Variants in XYLB observed in about 807,000 individuals in gnomAD.
The protein encoded by XYLB is xylulose kinase.
A neutral mutation model predicts 78.7 loss-of-function variants in XYLB; 62 were observed. That is an observed-to-expected ratio of 0.79 (90% CI 0.64 to 0.97). The LOEUF is 0.97. Among genes scored for constraint, XYLB ranks in the 50% least tolerant of loss-of-function variants. The probability of loss-of-function intolerance (pLI) is 0.00; values close to 1 mark genes in which losing one functional copy is unlikely to be tolerated. For missense variants in XYLB, 687 were observed against 676.8 expected, an observed-to-expected ratio of 1.02 and a Z score of -0.17; for synonymous variants, 245 against 247.4, an observed-to-expected ratio of 0.99 and a Z score of 0.09.
intron 15 of XYLB, among the ~76,000 whole-genome samples, chr3:38,387,832 T>C (rs1335364579): frequency 6.6e-6 from 1 of 152,230 alleles, no homozygotes; most frequent in Non-Finnish European, 1.5e-5. Flanking sequence ...TCTGCTGAAA[T>C]TTTTCATATT....
At chr3:38,435,905 T>C in the XYLB span, among the ~76,000 whole-genome samples, 1 of 152,068 alleles carries the variant, frequency 6.6e-6, no homozygotes, top group East Asian at 1.9e-4. Context: ...AAATGAAATA[T>C]ACCAAAATCT....
At chr3:38,425,925 T>C (rs1490557954), downstream of XYLB, among the ~76,000 whole-genome samples, 1 of 152,260 alleles carries the variant, frequency 6.6e-6, no homozygotes, top group Non-Finnish European at 1.5e-5. Flanking sequence ...CCTTGTATAA[T>C]ACTGATCATT....
At chr3:38,437,567 G>T in the XYLB span, among the ~76,000 whole-genome samples, 1 of 152,164 alleles carries the variant, frequency 6.6e-6, no homozygotes, top group Non-Finnish European at 1.5e-5. Flanking sequence ...ATTCACTAAA[G>T]TTACAGGATA....
In XYLB at chr3:38,391,493, C is replaced by T. The variant is rs139531255; in HGVS notation, c.1292-4012C>T. Among the ~76,000 whole-genome samples, 132 of 152,302 alleles carry T rather than the reference C, an allele frequency of 8.7e-4. 1 individual carries two copies. Among genetic ancestry groups the T allele is most frequent in the African/African-American group, 2.9e-3 (122 of 41,568 alleles). Reference sequence around the variant, plus strand: ...GGTGTGATTTGCTGCTTTAGATCAACGTCATGTTTATGAATTCATCCATGT... The same window carrying T: ...GGTGTGATTTGCTGCTTTAGATCAATGTCATGTTTATGAATTCATCCATGT... On this transcript the variant is annotated intron_variant, in intron 15 of 18. Coordinates refer to ENST00000207870, the MANE Select transcript of XYLB (RefSeq NM_005108.4).
In XYLB at chr3:38,379,247, T is replaced by A. The variant is rs1479181949; in HGVS notation, c.1196T>A (p.Val399Asp). Residue 399 changes from valine to aspartate, a missense_variant and splice_region_variant, in exon 15 of 19, where the codon GTT becomes GAT. Physicochemically the swap from Val to Asp is radical, Grantham distance 152. Transcript: ENST00000207870. Reference sequence around the variant, plus strand: ...GTGCCCACCTTTTCCTGGAGACAGGTTGCAGCATTCCCTGGGGATGTGGAG... The same window carrying A: ...GTGCCCACCTTTTCCTGGAGACAGGATGCAGCATTCCCTGGGGATGTGGAG... ...RHRFNTENHK[V>D]AAFPGDVEVR... 6.2e-7 allele frequency: 1 copy of A among 1,613,874 alleles called. No individual in the cohort carries two copies. The highest frequency in any genetic ancestry group is 8.5e-7 in the Non-Finnish European group (1 of 1,180,000).
At chr3:38,417,868 A>C (rs1483208154), downstream of XYLB, among the ~76,000 whole-genome samples, 1 of 139,188 alleles carries the variant, frequency 7.2e-6, no homozygotes, top group Non-Finnish European at 1.5e-5. Context: ...TAACAGAGTG[A>C]GACTTCATCT....
chr3:38,358,311 G>A (rs867743079), intron 2 of XYLB, among the ~76,000 whole-genome samples: 1 of 19,316 alleles, frequency 5.2e-5, no homozygotes, highest in African/African-American at 1.7e-4. Flanking sequence ...GTTTTGTTTT[G>A]TGTGTGTGTG....
intron 9 of XYLB, among the ~76,000 whole-genome samples, chr3:38,371,476 G>A (rs573086798): frequency 3.9e-5 from 6 of 152,004 alleles, no homozygotes; most frequent in Admixed American, 1.3e-4. Flanking sequence ...GGGTTTCACC[G>A]TGTTAGCCAG....
At chr3:38,380,581 G>T (rs992957568) in intron 15 of XYLB, among the ~76,000 whole-genome samples, 1 of 152,098 alleles carries the variant, frequency 6.6e-6, no homozygotes, top group African/African-American at 2.4e-5. Flanking sequence ...CTGAGTAAAA[G>T]GATACTATAA....
chr3:38,432,401 T>C, the XYLB span, among the ~76,000 whole-genome samples: 1 of 152,062 alleles, frequency 6.6e-6, no homozygotes, highest in Admixed American at 6.6e-5. Context: ...ATCCCATCTC[T>C]ACTAAAAATA....
chr3:38,386,704 G>T (rs1707395681), intron 15 of XYLB, among the ~76,000 whole-genome samples: 1 of 151,966 alleles, frequency 6.6e-6, no homozygotes, highest in Admixed American at 6.6e-5. Flanking sequence ...TTATACACTT[G>T]AATTTTTTAC....
intron 15 of XYLB, among the ~76,000 whole-genome samples, chr3:38,380,467 G>C (rs1399161365): frequency 6.6e-6 from 1 of 152,154 alleles, no homozygotes; most frequent in Non-Finnish European, 1.5e-5. Flanking sequence ...TATAGCTGTT[G>C]TCATTAGAGA....
chr3:38,445,288 T>C, the XYLB span, among the ~76,000 whole-genome samples: 1 of 152,132 alleles, frequency 6.6e-6, no homozygotes, highest in South Asian at 2.1e-4. Context: ...GGAGGGATCC[T>C]AAAAGGATAG....
At chr3:38,443,429 A>T in the XYLB span, among the ~76,000 whole-genome samples, 1 of 152,126 alleles carries the variant, frequency 6.6e-6, no homozygotes, top group East Asian at 1.9e-4. Context: ...CTCACTGGAC[A>T]ATCTTTTTTA....
At chr3:38,417,218 T>C (rs953970758), downstream of XYLB, among the ~76,000 whole-genome samples, 2 of 152,074 alleles carry the variant, frequency 1.3e-5, no homozygotes, top group Non-Finnish European at 1.5e-5. Flanking sequence ...GGTGGATCGC[T>C]TGAGCTCAGA....
rs780832813 is a variant in XYLB at position 38,376,981 on chromosome 3, A to G, written c.1184A>G (p.Glu395Gly). ...EIIGRHRFNT[E>G]NHKVAAFPGD... Reference sequence around the variant, plus strand: ...ATTGGACGTCATAGGTTTAACACAGAAAACCACAAGGTACATGTGCTGTTG... The same window carrying G: ...ATTGGACGTCATAGGTTTAACACAGGAAACCACAAGGTACATGTGCTGTTG... The change falls in exon 14 of 19, where the codon GAA becomes GGA. Residue 395 changes from glutamate (E) to glycine (G), a missense_variant. Physicochemically the swap from Glu to Gly is moderately conservative, Grantham distance 98 (BLOSUM62 -2). Transcript: ENST00000207870. The G allele has an allele frequency of 9.9e-6, 16 of 1,613,870 alleles. No homozygotes were observed. The highest frequency in any genetic ancestry group is 1.4e-5 in the Non-Finnish European group (16 of 1,179,864).
intron 8 of XYLB, 134 bp downstream of exon 8, chr3:38,368,391 G>A (rs1706374963): frequency 6.5e-6 from 5 of 764,402 alleles, no homozygotes. Flanking sequence ...GGAAGGAAGT[G>A]TATTCATTAT....
rs372396684 is a variant in XYLB, at chr3:38,397,071, G to C, written c.1351-1G>C. ...CAGTAGAACCTCTGTGTCCTTTTCAGGTGCTTGCAGATGTGTTTGATGCCC... is the reference window on the plus strand; with the variant it reads ...CAGTAGAACCTCTGTGTCCTTTTCACGTGCTTGCAGATGTGTTTGATGCCC... On this transcript the variant is annotated splice_acceptor_variant, in intron 16 of 18. Coordinates refer to ENST00000207870, the MANE Select transcript of XYLB (RefSeq NM_005108.4). LOFTEE classifies it high-confidence loss of function. The C allele has an allele frequency of 4.3e-6, 7 of 1,614,040 alleles. No individual in the cohort carries two copies. In the African/African-American group the frequency reaches 9.3e-5, roughly 22 times the overall value.
At position 38,376,983 on chromosome 3, in the gene XYLB, A is replaced by G. The variant is rs1427342786; in HGVS notation, c.1186A>G (p.Asn396Asp). 4 of 1,613,948 alleles carry G rather than the reference A, an allele frequency of 2.5e-6. No individual in the cohort carries two copies. Residue 396 changes from asparagine to aspartate, a missense_variant, in exon 14 of 19, where the codon AAC (asparagine) becomes GAC (aspartate). Transcript: ENST00000207870. The stretch of plus-strand genomic sequence containing the variant: ...TGGACGTCATAGGTTTAACACAGAA[A>G]ACCACAAGGTACATGTGCTGTTGGT... Reference protein sequence around the residue: ...IIGRHRFNTENHKVAAFPGDV... With the variant: ...IIGRHRFNTEDHKVAAFPGDV...
Sources: allele counts gnomAD v4.1 joint callset (sites outside exome capture counted in the v4.1 genomes callset), GRCh38; gene constraint gnomAD v4.1.1; transcripts MANE v1.5; gene names NCBI Gene and HGNC (gene_info 2026-07-23, HGNC 2026-07-21).